Variants in ASAP1 observed in about 807,000 individuals in gnomAD.
The protein encoded by ASAP1 is arf-GAP with SH3 domain, ANK repeat and PH domain-containing protein 1.
A neutral mutation model predicts 145.2 loss-of-function variants in ASAP1; 43 were observed. That is an observed-to-expected ratio of 0.30 (90% CI 0.23 to 0.38). The LOEUF (loss-of-function observed/expected upper bound fraction) is 0.38, where lower values mean the gene tolerates loss of function less well. Among genes scored for constraint, ASAP1 ranks in the 10% least tolerant of loss-of-function variants. The probability of loss-of-function intolerance (pLI) is 1.00; values close to 1 mark genes in which losing one functional copy is unlikely to be tolerated. For synonymous variants in ASAP1, 546 were observed against 515.5 expected, an observed-to-expected ratio of 1.06 and a Z score of -0.80; for missense variants, 1,018 against 1,355.3, an observed-to-expected ratio of 0.75 and a Z score of 3.91.
chr8:130,057,815 G>T, intron 29 of ASAP1, 139 bp downstream of exon 29: 1 of 1,094,650 alleles, frequency 9.1e-7, no homozygotes, highest in Non-Finnish European at 1.3e-6. Flanking sequence ...TGCAATGGCT[G>T]TTGGGTGAGT....
intron 5 of ASAP1, among the ~76,000 whole-genome samples, chr8:130,212,591 G>A (rs1816655339): frequency 6.6e-6 from 1 of 152,180 alleles, no homozygotes; most frequent in Admixed American, 6.5e-5. Flanking sequence ...TCCTCATCTG[G>A]ATTAAAGGTA....
At chr8:130,237,116 A>T (rs903925933) in intron 3 of ASAP1, 122 bp from the exon 4 acceptor site, 1 of 668,668 alleles carries the variant, frequency 1.5e-6, no homozygotes. Flanking sequence ...AAACTGACAT[A>T]TTCATTAACA....
At position 130,339,197 on chromosome 8, in the gene ASAP1, T is replaced by G. The variant is rs368661219; in HGVS notation, c.186+18820A>C. The stretch of plus-strand genomic sequence containing the variant: ...TCACCTGGACTCAACACTTAACCAG[T>G]AGCCACCCACCCTCTCTAAAGTTTC... On this transcript the variant is annotated intron_variant, in intron 3 of 29. Coordinates refer to ENST00000518721, the MANE Select transcript of ASAP1 (RefSeq NM_018482.4). 1.8e-3 allele frequency among the ~76,000 whole-genome samples: 281 copies of G among 152,314 alleles called. 6 individuals carry two copies. In the South Asian group the frequency reaches 0.057, roughly 31 times the overall value.
chr8:130,303,093 A>C (rs983723333), intron 3 of ASAP1, among the ~76,000 whole-genome samples: 1 of 152,232 alleles, frequency 6.6e-6, no homozygotes, highest in Admixed American at 6.5e-5. Flanking sequence ...GTGCCTGTGT[A>C]TGCTGAGCCT....
intron 27 of ASAP1, among the ~76,000 whole-genome samples, chr8:130,069,095 T>C (rs1374223223): frequency 3.3e-5 from 5 of 151,854 alleles, no homozygotes; most frequent in Admixed American, 3.3e-4. Context: ...TATTAACAAA[T>C]AAGGTGAAGA....
Position 130,358,086 on chromosome 8 carries a change from G to A in ASAP1, c.117C>T (p.Asn39=), listed in dbSNP as rs755220995. 6.2e-6 allele frequency: 10 copies of A among 1,610,992 alleles called. No individual in the cohort carries two copies. The highest frequency in any genetic ancestry group is 8.5e-6 in the Non-Finnish European group (10 of 1,179,012). The change falls in exon 3 of 30, where the codon AAC becomes AAT. Residue 39 remains asparagine (N), a synonymous_variant. Coordinates refer to ENST00000518721, the MANE Select transcript of ASAP1 (RefSeq NM_018482.4). The surrounding 1 kb of genome is among the most constrained non-coding windows in gnomAD (Gnocchi z 4.1). The part of the protein sequence containing the change: ...EFIAETTEDY[N]SPTTSSFTTR... ...TGGTGAAGCTGGACGTGGTGGGCGA[G>A]TTGTAGTCCTCGGTGGTCTCGGCGA...
chr8:130,440,093 C>A (rs1830440503), intron 1 of ASAP1, among the ~76,000 whole-genome samples: 1 of 152,168 alleles, frequency 6.6e-6, no homozygotes, highest in Admixed American at 6.5e-5. Flanking sequence ...CTCATCAATG[C>A]TATCTCCAAG....
At chr8:130,161,879 C>T (rs987164880) in intron 11 of ASAP1, among the ~76,000 whole-genome samples, 8 of 152,070 alleles carry the variant, frequency 5.3e-5, no homozygotes, top group Admixed American at 3.3e-4. Context: ...CAGCTCACTG[C>T]GGCCTGAACC....
chr8:130,058,794 T>C (rs983359324), intron 28 of ASAP1, among the ~76,000 whole-genome samples: 22 of 152,104 alleles, frequency 1.4e-4, no homozygotes, highest in African/African-American at 5.1e-4. Context: ...TTGGGTGGAG[T>C]GCCTCTTCCT....
chr8:130,276,758 T>TCTCTCTCTCTCTCC (rs1565162788), intron 3 of ASAP1, among the ~76,000 whole-genome samples: 2 of 147,198 alleles, frequency 1.4e-5, no homozygotes, highest in East Asian at 3.9e-4. Flanking sequence ...TCTCTCTCTC[T>TCTCTCTCTCTCTCC]CTCCTCTAAC....
chr8:130,155,351 G>T (rs148803647), intron 12 of ASAP1, among the ~76,000 whole-genome samples: 74 of 152,292 alleles, frequency 4.9e-4, no homozygotes, highest in Non-Finnish European at 5.9e-4. Context: ...TGGCACAGTT[G>T]AGAGCAGTAT....
intron 24 of ASAP1, among the ~76,000 whole-genome samples, chr8:130,097,419 C>G (rs1204958729): frequency 1.3e-5 from 2 of 152,122 alleles, no homozygotes; most frequent in Admixed American, 6.5e-5. Flanking sequence ...CATCCCTGAC[C>G]CTGGCTATGC....
rs561544039 is a variant in ASAP1, at chr8:130,238,771, CA to C, written c.187-1778del. ...GGTGAGAAAGGTTAAGTAACTTTCC[CA>C]AGGTCACAGAGCCAGAAAATGCTAA... On this transcript the variant is annotated intron_variant, in intron 3 of 29. Transcript: ENST00000518721. 1.8e-4 allele frequency among the ~76,000 whole-genome samples: 27 copies of C among 152,072 alleles called. No individual in the cohort carries two copies. The South Asian group carries it at 5.4e-3, about 30-fold the overall frequency.
chr8:130,173,592 C>A (rs950767577), intron 9 of ASAP1, among the ~76,000 whole-genome samples: 1 of 151,798 alleles, frequency 6.6e-6, no homozygotes, highest in Non-Finnish European at 1.5e-5. Context: ...ATGGTGAAGC[C>A]CTGTCTCTAC....
chr8:130,346,572 A>T (rs74739166), intron 3 of ASAP1, among the ~76,000 whole-genome samples: 16,368 of 152,202 alleles, frequency 0.11, 1,002 homozygotes, highest in South Asian at 0.27. Flanking sequence ...TGTTGGGAGG[A>T]TTATATGAGA....
intron 3 of ASAP1, among the ~76,000 whole-genome samples, chr8:130,254,865 T>C (rs138876660): frequency 1.2e-4 from 18 of 152,316 alleles, no homozygotes; most frequent in Admixed American, 3.3e-4. Flanking sequence ...ACTTTAAACT[T>C]AGAACACAGG....
At chr8:130,353,207 G>C (rs1180682818) in intron 3 of ASAP1, among the ~76,000 whole-genome samples, 2 of 152,022 alleles carry the variant, frequency 1.3e-5, no homozygotes, top group African/African-American at 2.4e-5. Context: ...ATACAATCTG[G>C]ATAACCCCAA....
intron 13 of ASAP1, among the ~76,000 whole-genome samples, chr8:130,138,972 T>C (rs929452654): frequency 1.3e-5 from 2 of 152,182 alleles, no homozygotes; most frequent in South Asian, 2.1e-4. Context: ...TCTCATCTTT[T>C]TGGATGTTGA....
intron 3 of ASAP1, among the ~76,000 whole-genome samples, chr8:130,258,362 C>T (rs887819317): frequency 6.6e-6 from 1 of 152,212 alleles, no homozygotes; most frequent in African/African-American, 2.4e-5. Flanking sequence ...CCACCTTCAC[C>T]CTTGCCTTCT....
Sources: gnomAD v4.1 joint callset for allele counts (sites outside exome capture counted in the v4.1 genomes callset) on GRCh38, gnomAD v4.1.1 for gene constraint, Gnocchi (gnomAD v3.1) non-coding constraint, MANE v1.5 for transcripts, NCBI Gene and HGNC (gene_info 2026-07-23, HGNC 2026-07-21) for gene names.